The following ABL1 variants were observed in gnomAD, a reference collection of about 807,000 sequenced individuals.
The protein encoded by ABL1 is tyrosine-protein kinase ABL1.
Under a neutral mutation model 94.7 loss-of-function variants are expected in ABL1, and 11 were observed. That is an observed-to-expected ratio of 0.12 (90% CI 0.07 to 0.19). The LOEUF (loss-of-function observed/expected upper bound fraction) is 0.19, where lower values mean the gene tolerates loss of function less well. Among genes scored for constraint, ABL1 ranks in the 10% least tolerant of loss-of-function variants. The pLI, the probability that ABL1 is intolerant of heterozygous loss-of-function variation, is 1.00. For missense variants in ABL1, 1,082 were observed against 1,489.4 expected (o/e 0.73, Z 4.50); for synonymous variants, 656 against 622.4 (o/e 1.05, Z -0.80).
intron 1 of ABL1, among the ~76,000 whole-genome samples, chr9:130,790,898 G>A (rs1007064092): frequency 1.3e-5 from 2 of 152,206 alleles, no homozygotes; most frequent in African/African-American, 4.8e-5. Context: ...CAGACTCAGG[G>A]TGGGTGCATC....
chr9:130,729,645 A>G (rs1362733287), intron 1 of ABL1, among the ~76,000 whole-genome samples: 1 of 152,014 alleles, frequency 6.6e-6, no homozygotes, highest in African/African-American at 2.4e-5. Context: ...CGTCTCAAAT[A>G]TTTTATTCAG....
intron 1 of ABL1, among the ~76,000 whole-genome samples, chr9:130,806,890 C>T (rs905844104): frequency 6.6e-6 from 1 of 152,160 alleles, no homozygotes; most frequent in South Asian, 2.1e-4. Context: ...GTGGCTCATG[C>T]CTGTAATTCC....
rs34500516 is a variant in ABL1, at chr9:130,886,350, C to T, written c.*667C>T. 2.9e-4 allele frequency: 68 copies of T among 234,330 alleles called. No individual in the cohort carries two copies. In the East Asian group the frequency reaches 4.0e-3, roughly 14 times the overall value. The allele number at this position is 234,330 out of a possible 1,614,324, so 14.5% of individuals were successfully genotyped here. ...TGCTAAAGCCAACCAGCCTTTGGGT[C>T]CTGGGCAGGTGGGAGCTGAAAAGGA... On this transcript the variant is annotated 3_prime_UTR_variant, in exon 11 of 11. Transcript: ENST00000318560.
At chr9:130,874,084 T>A (rs1334475840) in intron 6 of ABL1, among the ~76,000 whole-genome samples, 1 of 152,208 alleles carries the variant, frequency 6.6e-6, no homozygotes, top group African/African-American at 2.4e-5. Flanking sequence ...TAGGCACAAC[T>A]CTTCTGTATT....
intron 1 of ABL1, among the ~76,000 whole-genome samples, chr9:130,733,921 G>T (rs559701949): frequency 6.6e-6 from 1 of 151,984 alleles, no homozygotes; most frequent in East Asian, 1.9e-4. Context: ...TTTTTGTGAG[G>T]TCTATGGTAT....
chr9:130,789,048 A>G (rs1333251220), intron 1 of ABL1, among the ~76,000 whole-genome samples: 2 of 152,156 alleles, frequency 1.3e-5, no homozygotes, highest in Non-Finnish European at 2.9e-5. Context: ...TCTAAAAAGC[A>G]ATCTGTGGGG....
intron 4 of ABL1, among the ~76,000 whole-genome samples, chr9:130,864,085 G>C (rs1010506412): frequency 2.0e-5 from 3 of 152,162 alleles, no homozygotes; most frequent in African/African-American, 7.2e-5. Flanking sequence ...GTATGAAGTG[G>C]CTGCTTTAGA....
intron 1 of ABL1, among the ~76,000 whole-genome samples, chr9:130,800,976 G>T (rs1431625074): frequency 6.7e-6 from 1 of 149,920 alleles, no homozygotes; most frequent in Non-Finnish European, 1.5e-5. Flanking sequence ...TGTCGCCCAG[G>T]CTGGAGTGCA....
intron 3 of ABL1, among the ~76,000 whole-genome samples, chr9:130,861,224 TC>T (rs200904624): frequency 0.01 from 1,557 of 152,368 alleles, 33 homozygotes; most frequent in African/African-American, 0.033. Flanking sequence ...AAGCAATCTT[TC>T]TAGACAAGTT....
intron 3 of ABL1, among the ~76,000 whole-genome samples, chr9:130,857,373 C>A (rs771378147): frequency 6.6e-6 from 1 of 152,236 alleles, no homozygotes; most frequent in African/African-American, 2.4e-5. Context: ...ACCTTTGTCA[C>A]TCTGACTGGT....
At chr9:130,726,366 G>C (rs574562872) in intron 1 of ABL1, among the ~76,000 whole-genome samples, 1 of 151,980 alleles carries the variant, frequency 6.6e-6, no homozygotes, top group Non-Finnish European at 1.5e-5. Context: ...ACTGTCTTAC[G>C]TTTTAGCACC....
intron 1 of ABL1, among the ~76,000 whole-genome samples, chr9:130,749,414 C>T (rs942469238): frequency 6.6e-6 from 1 of 152,168 alleles, no homozygotes; most frequent in Non-Finnish European, 1.5e-5. Flanking sequence ...GTTAATGGCT[C>T]AGAAAACAGA....
At chr9:130,755,885 C>T (rs545695992) in intron 1 of ABL1, among the ~76,000 whole-genome samples, 14 of 152,152 alleles carry the variant, frequency 9.2e-5, no homozygotes, top group Admixed American at 5.2e-4. Flanking sequence ...CCGAGGAGGA[C>T]GAGGACACAG....
chr9:130,876,731 T>G (rs941865356), intron 7 of ABL1, among the ~76,000 whole-genome samples: 2 of 136,270 alleles, frequency 1.5e-5, no homozygotes, highest in Non-Finnish European at 3.1e-5. Context: ...ACAAGTTGGT[T>G]TCTTTTTTTT....
chr9:130,752,406 A>G (rs952887141), intron 1 of ABL1, among the ~76,000 whole-genome samples: 1 of 152,222 alleles, frequency 6.6e-6, no homozygotes, highest in African/African-American at 2.4e-5. Flanking sequence ...TATCTATAAT[A>G]TCTTTGGCTT....
chr9:130,723,180 G>T (rs1831537480), intron 1 of ABL1, among the ~76,000 whole-genome samples: 1 of 152,132 alleles, frequency 6.6e-6, no homozygotes, highest in Non-Finnish European at 1.5e-5. Context: ...GCAGTTCCCT[G>T]ACTCCTTGCT....
At chr9:130,842,579 CA>C (rs1311109616) in intron 1 of ABL1, among the ~76,000 whole-genome samples, 1 of 152,134 alleles carries the variant, frequency 6.6e-6, no homozygotes, top group East Asian at 1.9e-4. Context: ...CCCAGATCAG[CA>C]ATAAAAATAC....
intron 1 of ABL1, among the ~76,000 whole-genome samples, chr9:130,776,936 CTTT>C (rs1246122721): frequency 6.6e-6 from 1 of 151,958 alleles, no homozygotes; most frequent in Non-Finnish European, 1.5e-5. Context: ...AGATCTTTGT[CTTT>C]TTTTCTGGAT....
intron 1 of ABL1, among the ~76,000 whole-genome samples, chr9:130,742,918 T>C (rs1831838084): frequency 6.6e-6 from 1 of 152,148 alleles, no homozygotes; most frequent in Non-Finnish European, 1.5e-5. Flanking sequence ...GCATTGTAAA[T>C]ATTTAAAACT....
Sources: allele counts gnomAD v4.1 joint callset (sites outside exome capture counted in the v4.1 genomes callset), GRCh38; gene constraint gnomAD v4.1.1; transcripts MANE v1.5; gene names NCBI Gene and HGNC (gene_info 2026-07-23, HGNC 2026-07-21).